CASZ1: variants seen among roughly 807,000 people sequenced by gnomAD.
The protein encoded by CASZ1 is castor zinc finger 1, also known as zinc finger protein castor homolog 1.
Under a neutral mutation model 135.2 loss-of-function variants are expected in CASZ1, and 28 were observed. The ratio of observed to expected loss-of-function variants is 0.21; its 90% CI spans 0.15 to 0.28. The LOEUF is 0.28. CASZ1 is among the 10% of genes least tolerant of loss of function. The probability of loss-of-function intolerance (pLI) is 1.00; values close to 1 mark genes in which losing one functional copy is unlikely to be tolerated. For synonymous variants in CASZ1, 1,068 were observed against 1,073.4 expected, an observed-to-expected ratio of 0.99 and a Z score of 0.10; for missense variants, 2,161 against 2,453.3, an observed-to-expected ratio of 0.88 and a Z score of 2.52.
intron 20 of CASZ1, among the ~76,000 whole-genome samples, chr1:10,641,287 T>C (rs1642192471): frequency 1.3e-5 from 2 of 152,222 alleles, no homozygotes; most frequent in Admixed American, 1.3e-4. Context: ...GGTCTGGTTA[T>C]GCCAGAGTGG....
rs1022365332 is a variant in CASZ1, at chr1:10,788,851, C to T, written c.-234+7713G>A. 6.6e-6 allele frequency among the ~76,000 whole-genome samples: 1 copy of T among 152,224 alleles called. No individual in the cohort carries two copies. Among genetic ancestry groups the T allele is most frequent in the African/African-American group, 2.4e-5 (1 of 41,456 alleles). On this transcript the variant is annotated intron_variant, in intron 1 of 20. Transcript: ENST00000377022. The surrounding 1 kb of genome is among the most constrained non-coding windows in gnomAD (Gnocchi z 4.1). ...CTGCCCAGCCAGCAGAGGCATCGCA[C>T]AGAGGAGCCCACCAGTGGGGACAGA...
intron 2 of CASZ1, among the ~76,000 whole-genome samples, chr1:10,728,963 AGGCCT>A (rs1160759200): frequency 1.3e-5 from 2 of 152,112 alleles, no homozygotes; most frequent in African/African-American, 2.4e-5. Context: ...TGAAAACAAG[AGGCCT>A]TCCCCCCCCA....
chr1:10,708,560 G>A (rs946791777), intron 2 of CASZ1, among the ~76,000 whole-genome samples: 11 of 152,214 alleles, frequency 7.2e-5, no homozygotes, highest in African/African-American at 2.4e-4. Flanking sequence ...CACCTGCCCA[G>A]GTGAGGCCCG....
At chr1:10,781,575 C>T (rs1054621912) in intron 1 of CASZ1, among the ~76,000 whole-genome samples, 2 of 152,194 alleles carry the variant, frequency 1.3e-5, no homozygotes, top group Admixed American at 1.3e-4. Context: ...TTGCTATTGG[C>T]GAACATGCTC....
intron 2 of CASZ1, among the ~76,000 whole-genome samples, chr1:10,748,493 C>T (rs1339706931): frequency 1.2e-4 from 18 of 152,194 alleles, no homozygotes; most frequent in Admixed American, 9.8e-4. Context: ...TGCTATTGTG[C>T]CCATTTTACA....
intron 3 of CASZ1, among the ~76,000 whole-genome samples, chr1:10,705,165 G>A (rs570279709): frequency 1.2e-4 from 19 of 152,342 alleles, no homozygotes; most frequent in African/African-American, 3.1e-4. Flanking sequence ...AGCGGGCACC[G>A]CAGGCTGGGT....
intron 1 of CASZ1, among the ~76,000 whole-genome samples, chr1:10,792,165 A>G (rs1195286149): frequency 1.3e-5 from 2 of 150,854 alleles, no homozygotes; most frequent in African/African-American, 2.4e-5. Flanking sequence ...AAGAAAGAAA[A>G]AAAAAAAAAC....
Position 10,647,944 on chromosome 1 carries a change from G to T in CASZ1, c.3354C>A (p.Ala1118=). 6.2e-7 allele frequency: 1 copy of T among 1,612,986 alleles called. No homozygotes were observed. The change falls in exon 16 of 21, where the codon GCC becomes GCA. Residue 1118 remains alanine (A), a synonymous_variant. Transcript: ENST00000377022. The surrounding 1 kb of genome is among the most constrained non-coding windows in gnomAD (Gnocchi z 4.9). Reference sequence around the variant, plus strand: ...GTATGGTGGAAGCCAGCTGCTTCCAGGCGAGCAGGGTGGGGGTGGAGGGCA... The same window carrying T: ...GTATGGTGGAAGCCAGCTGCTTCCATGCGAGCAGGGTGGGGGTGGAGGGCA... ...ASVPSTPTLL[A]WKQLASTIPQ...
chr1:10,706,227 C>G lies in CASZ1; in HGVS notation c.-76-683G>C, dbSNP rs1428825089. On this transcript the variant is annotated intron_variant, in intron 2 of 20. Transcript: ENST00000377022. The surrounding 1 kb of genome is among the most constrained non-coding windows in gnomAD (Gnocchi z 4.3). The stretch of plus-strand genomic sequence containing the variant: ...CGTGGAGGCTTTAACCAACACGCGG[C>G]CTGGCCCAGCGTGCCAGGCTGGGGC... 6.6e-6 allele frequency among the ~76,000 whole-genome samples: 1 copy of G among 152,204 alleles called. No homozygotes were observed. The highest frequency in any genetic ancestry group is 1.5e-5 in the Non-Finnish European group (1 of 68,024).
At chr1:10,656,536 G>T in intron 8 of CASZ1, 110 bp downstream of exon 8, 1 of 781,824 alleles carries the variant, frequency 1.3e-6, no homozygotes, top group Non-Finnish European at 2.1e-6. Flanking sequence ...AAGTTTGGGT[G>T]GTGCAACTAG....
chr1:10,787,612 C>T (rs1447156064), intron 1 of CASZ1, among the ~76,000 whole-genome samples: 1 of 151,880 alleles, frequency 6.6e-6, no homozygotes, highest in African/African-American at 2.4e-5. Context: ...GAGCTCATTC[C>T]CCCACCCCTT....
At chr1:10,690,394 A>G (rs548817930) in intron 4 of CASZ1, among the ~76,000 whole-genome samples, 47 of 152,306 alleles carry the variant, frequency 3.1e-4, no homozygotes, top group Non-Finnish European at 5.4e-4. Context: ...ACCGTCTAGA[A>G]GAAGTCTGCG....
rs965055639 is a variant in CASZ1, at chr1:10,777,523, G to C, written c.-233-16666C>G. 2.0e-5 allele frequency among the ~76,000 whole-genome samples: 3 copies of C among 152,194 alleles called. No homozygotes were observed. The highest frequency in any genetic ancestry group is 4.4e-5 in the Non-Finnish European group (3 of 68,028). On this transcript the variant is annotated intron_variant, in intron 1 of 20. Coordinates refer to ENST00000377022, the MANE Select transcript of CASZ1 (RefSeq NM_001079843.3). The surrounding 1 kb of genome is among the most constrained non-coding windows in gnomAD (Gnocchi z 4.4). ...CCTGGGGCAGGGGACCAAGTGATAC[G>C]CGAAAAACAGACGGAAGACCCCGTT...
Position 10,701,285 on chromosome 1 carries a change from G to A in CASZ1, c.-24+4207C>T, listed in dbSNP as rs188500129. Among the ~76,000 whole-genome samples the A allele has an allele frequency of 7.9e-5, 12 of 152,270 alleles. 1 individual carries two copies. In the East Asian group the frequency reaches 9.7e-4, roughly 12 times the overall value. ...CACCGTGGCAGCCGGGTTCCCGTGC[G>A]CACTCTCCCTGTCTCGCAGACACTC... On this transcript the variant is annotated intron_variant, in intron 3 of 20. Coordinates refer to ENST00000377022, the MANE Select transcript of CASZ1 (RefSeq NM_001079843.3). This position sits in a 1 kb window ranked among gnomAD's most constrained non-coding sequence, Gnocchi z 6.3.
chr1:10,662,310 ACCCACCCACC>A (rs1305785055), intron 5 of CASZ1, among the ~76,000 whole-genome samples: 1 of 148,690 alleles, frequency 6.7e-6, no homozygotes, highest in African/African-American at 2.5e-5. Flanking sequence ...ATACATTGAC[ACCCACCCACC>A]CCCACACACA....
intron 19 of CASZ1, 34 bp downstream of exon 19, chr1:10,643,126 C>T (rs1488877451): frequency 1.2e-6 from 2 of 1,605,508 alleles, no homozygotes; most frequent in Admixed American, 1.7e-5. Flanking sequence ...TTCCCGCCAC[C>T]CTGGCTGGGC....
rs1433306113 is a variant in CASZ1 at position 10,774,582 on chromosome 1, A to G, written c.-233-13725T>C. 6.6e-6 allele frequency among the ~76,000 whole-genome samples: 1 copy of G among 152,174 alleles called. No homozygotes were observed. Among genetic ancestry groups the G allele is most frequent in the Admixed American group, 6.5e-5 (1 of 15,292 alleles). On this transcript the variant is annotated intron_variant, in intron 1 of 20. Coordinates refer to ENST00000377022, the MANE Select transcript of CASZ1 (RefSeq NM_001079843.3). The surrounding 1 kb of genome is among the most constrained non-coding windows in gnomAD (Gnocchi z 4.4). ...GCCCCCCCGATCCAAAAGGATCACCAGGAGATCCAGATGGAGCATTTTTCT... is the reference window on the plus strand; with the variant it reads ...GCCCCCCCGATCCAAAAGGATCACCGGGAGATCCAGATGGAGCATTTTTCT...
Position 10,639,476 on chromosome 1 carries a change from C to T in CASZ1, c.4746G>A (p.Val1582=), listed in dbSNP as rs1334716235. The change falls in exon 21 of 21, where the codon GTG becomes GTA. Residue 1582 remains valine, a synonymous_variant. Coordinates refer to ENST00000377022, the MANE Select transcript of CASZ1 (RefSeq NM_001079843.3). This position sits in a 1 kb window ranked among gnomAD's most constrained non-coding sequence, Gnocchi z 4.0. ...GCGAGTCCATCTGCGACATGCCCAC[C>T]ACCGTGTGGCGGCAGCCCGGGAAGG... ...HCTFPGCRHT[V]VGMSQMDSHK... 6.2e-7 allele frequency: 1 copy of T among 1,609,334 alleles called. No homozygotes were observed. Among genetic ancestry groups the T allele is most frequent in the South Asian group, 1.1e-5 (1 of 90,404 alleles).
chr1:10,748,655 C>A (rs1026243280), intron 2 of CASZ1, among the ~76,000 whole-genome samples: 1 of 152,168 alleles, frequency 6.6e-6, no homozygotes, highest in African/African-American at 2.4e-5. Flanking sequence ...ACCACTAGTT[C>A]CAGGCAGGGG....
Sources: gnomAD v4.1 joint callset for allele counts (sites outside exome capture counted in the v4.1 genomes callset) on GRCh38, gnomAD v4.1.1 for gene constraint, Gnocchi (gnomAD v3.1) non-coding constraint, MANE v1.5 for transcripts, NCBI Gene and HGNC (gene_info 2026-07-23, HGNC 2026-07-21) for gene names.